TIPIN: variants seen among roughly 807,000 people sequenced by gnomAD.
TIPIN encodes the protein TIMELESS interacting protein, also known as TIMELESS-interacting protein.
A neutral mutation model predicts 35.6 loss-of-function variants in TIPIN; 29 were observed. The observed-to-expected ratio is 0.82, with a 90% CI of 0.61 to 1.11. TIPIN has a LOEUF of 1.11. Among genes scored for constraint, TIPIN ranks in the 50% most tolerant of loss-of-function variants. The probability of loss-of-function intolerance (pLI) is 0.00; values close to 1 mark genes in which losing one functional copy is unlikely to be tolerated. For missense variants in TIPIN, 296 were observed against 345.4 expected, an observed-to-expected ratio of 0.86 and a Z score of 1.13; for synonymous variants, 102 against 121.5, an observed-to-expected ratio of 0.84 and a Z score of 1.06.
chr15:66,368,390 C>T (rs1159846054), intron 1 of TIPIN, among the ~76,000 whole-genome samples: 2 of 151,122 alleles, frequency 1.3e-5, no homozygotes, highest in Non-Finnish European at 2.9e-5. Flanking sequence ...TGGTATCACA[C>T]ACCTGTAGTC....
chr15:66,347,889 C>T (rs1280196992), intron 6 of TIPIN, among the ~76,000 whole-genome samples: 3 of 151,998 alleles, frequency 2.0e-5, no homozygotes, highest in Non-Finnish European at 4.4e-5. Context: ...CAGCCCACTA[C>T]CAAGGCATTT....
chr15:66,364,220 C>T (rs1055554636), intron 1 of TIPIN, among the ~76,000 whole-genome samples: 1 of 131,316 alleles, frequency 7.6e-6, no homozygotes, highest in Non-Finnish European at 1.5e-5. Context: ...GGCTGTAGTG[C>T]AGCAATGCGA....
intron 1 of TIPIN, among the ~76,000 whole-genome samples, chr15:66,376,317 C>G (rs2093296572): frequency 6.6e-6 from 1 of 152,138 alleles, no homozygotes; most frequent in African/African-American, 2.4e-5. Context: ...ATAATTTACT[C>G]TCCTTTTGAC....
At position 66,365,863 on chromosome 15, in the gene TIPIN, A is replaced by G. The variant is rs2093252017; in HGVS notation, c.-8-12908T>C. On this transcript the variant is annotated intron_variant, in intron 1 of 7. Transcript: ENST00000562124. ...CCCAGCCTGCTCTGCATATTAGTTT[A>G]CTTTTTTTACTTTCTTAATAAACTT... 2.0e-5 allele frequency among the ~76,000 whole-genome samples: 3 copies of G among 151,566 alleles called. No homozygotes were observed. The South Asian group carries it at 6.3e-4, about 32-fold the overall frequency.
intron 1 of TIPIN, among the ~76,000 whole-genome samples, chr15:66,376,846 C>T (rs1481889219): frequency 3.3e-5 from 5 of 151,666 alleles, no homozygotes; most frequent in Admixed American, 1.3e-4. Context: ...CGGTGGCTTA[C>T]GCCTGTAATC....
upstream of TIPIN, among the ~76,000 whole-genome samples, chr15:66,359,110 C>A (rs996781575): frequency 6.6e-6 from 1 of 150,962 alleles, no homozygotes; most frequent in Non-Finnish European, 1.5e-5. Flanking sequence ...CATGATCATG[C>A]CACTGCACTC....
upstream of TIPIN, among the ~76,000 whole-genome samples, chr15:66,358,695 G>T (rs1284877661): frequency 6.6e-6 from 1 of 152,092 alleles, no homozygotes; most frequent in African/African-American, 2.4e-5. Context: ...GGGATTACAG[G>T]CGTGAGCCAC....
chr15:66,337,328 C>A (rs28537939), intron 7 of TIPIN, 147 bp from the exon 8 acceptor site: 90,904 of 401,580 alleles, frequency 0.23, 8,026 homozygotes, highest in Admixed American at 0.27. Flanking sequence ...CTAAATATAT[C>A]TTTTTTTTTT....
At chr15:66,354,210 G>C (rs776993402) in intron 1 of TIPIN, among the ~76,000 whole-genome samples, 1 of 152,100 alleles carries the variant, frequency 6.6e-6, no homozygotes, top group Non-Finnish European at 1.5e-5. Flanking sequence ...TTGACTCTGC[G>C]ATCCAGATCA....
upstream of TIPIN, among the ~76,000 whole-genome samples, chr15:66,360,903 T>C (rs1286171315): frequency 6.6e-6 from 1 of 151,934 alleles, no homozygotes; most frequent in African/African-American, 2.4e-5. Flanking sequence ...GAGGCGGAGG[T>C]TGCAGTAAGC....
chr15:66,366,219 G>T (rs149230530), intron 1 of TIPIN, among the ~76,000 whole-genome samples: 6,098 of 151,758 alleles, frequency 0.04, 294 homozygotes, highest in African/African-American at 0.11. Flanking sequence ...ACTTTGGGAG[G>T]CCGAGGCGGG....
chr15:66,348,840 G>A (rs1379161426), intron 6 of TIPIN, among the ~76,000 whole-genome samples: 1 of 152,144 alleles, frequency 6.6e-6, no homozygotes, highest in East Asian at 1.9e-4. Flanking sequence ...AGCTACTCGG[G>A]AGGCTGAGGC....
upstream of TIPIN, among the ~76,000 whole-genome samples, chr15:66,358,970 G>C (rs919606026): frequency 1.3e-5 from 2 of 151,868 alleles, no homozygotes; most frequent in African/African-American, 4.8e-5. Context: ...CTTGAACCCA[G>C]GAGGCAGAGA....
At chr15:66,340,379 T>C (rs929036460) in intron 7 of TIPIN, among the ~76,000 whole-genome samples, 2 of 151,322 alleles carry the variant, frequency 1.3e-5, no homozygotes, top group Non-Finnish European at 2.9e-5. Flanking sequence ...GGTTTCACCA[T>C]GTTGGCCAGG....
At chr15:66,355,885 TAAG>T (rs2093201352) in intron 1 of TIPIN, among the ~76,000 whole-genome samples, 1 of 152,136 alleles carries the variant, frequency 6.6e-6, no homozygotes, top group Admixed American at 6.6e-5. Context: ...TAAAATATAT[TAAG>T]TGTACTCAGG....
chr15:66,364,154 TTTTC>T (rs2093243335), intron 1 of TIPIN, among the ~76,000 whole-genome samples: 1 of 143,066 alleles, frequency 7.0e-6, no homozygotes, highest in African/African-American at 2.7e-5. Context: ...GAAATCTTTC[TTTTC>T]TTTTTTTTTT....
intron 1 of TIPIN, among the ~76,000 whole-genome samples, chr15:66,372,644 G>C (rs1017219901): frequency 6.6e-6 from 1 of 152,200 alleles, no homozygotes; most frequent in African/African-American, 2.4e-5. Flanking sequence ...TGTGGCTCAC[G>C]CCTGTAATCC....
intron 1 of TIPIN, among the ~76,000 whole-genome samples, chr15:66,373,191 CG>C (rs1830411806): frequency 6.6e-6 from 1 of 151,984 alleles, no homozygotes; most frequent in African/African-American, 2.4e-5. Flanking sequence ...GACTGTATAT[CG>C]AAATAAAATA....
intron 1 of TIPIN, among the ~76,000 whole-genome samples, chr15:66,362,685 C>A (rs2093236740): frequency 6.6e-6 from 1 of 152,162 alleles, no homozygotes; most frequent in African/African-American, 2.4e-5. Flanking sequence ...CAGGTCACTG[C>A]ACTCCAACCT....
Sources: gnomAD v4.1 joint callset for allele counts (sites outside exome capture counted in the v4.1 genomes callset) on GRCh38, gnomAD v4.1.1 for gene constraint, MANE v1.5 for transcripts, NCBI Gene and HGNC (gene_info 2026-07-23, HGNC 2026-07-21) for gene names.